Variants in FBXO34 observed in about 807,000 individuals in gnomAD.
FBXO34 encodes F-box protein 34.
In FBXO34, 12 loss-of-function variants were observed where a neutral mutation model predicts 24.5. That is an observed-to-expected ratio of 0.49 (90% CI 0.31 to 0.79). The LOEUF is 0.79. Ranked by LOEUF, FBXO34 falls within the 30% of genes least tolerant of loss-of-function variation. The pLI, the probability that FBXO34 is intolerant of heterozygous loss-of-function variation, is 0.04. For missense variants in FBXO34, 823 were observed against 857.7 expected, an observed-to-expected ratio of 0.96 and a Z score of 0.51; for synonymous variants, 320 against 311.9, an observed-to-expected ratio of 1.03 and a Z score of -0.27.
the FBXO34 span, among the ~76,000 whole-genome samples, chr14:55,402,926 A>AT: frequency 1.2e-4 from 2 of 16,400 alleles, no homozygotes; most frequent in Admixed American, 9.4e-4. Context: ...AAAAAAAAAA[A>AT]ATATATATAT....
chr14:55,278,257 T>C (rs1881410059), intron 1 of FBXO34, among the ~76,000 whole-genome samples: 1 of 152,236 alleles, frequency 6.6e-6, no homozygotes, highest in South Asian at 2.1e-4. Context: ...TGTGAGGAAC[T>C]GAACTCATTT....
chr14:55,428,927 T>C, the FBXO34 span: 6 of 1,614,076 alleles, frequency 3.7e-6, no homozygotes, highest in Middle Eastern at 1.6e-4. Context: ...CCCAAGCTTC[T>C]GCACCACACG....
At chr14:55,391,587 C>T in the FBXO34 span, among the ~76,000 whole-genome samples, 4 of 152,070 alleles carry the variant, frequency 2.6e-5, no homozygotes, top group African/African-American at 9.7e-5. Context: ...CCCGCTCTAG[C>T]TATATAGCTA....
At chr14:55,284,728 A>G (rs1259907998) in intron 1 of FBXO34, among the ~76,000 whole-genome samples, 1 of 147,252 alleles carries the variant, frequency 6.8e-6, no homozygotes, top group Non-Finnish European at 1.5e-5. Context: ...CAATCTTTCC[A>G]TCTCATCCTC....
In FBXO34 at chr14:55,351,881, G is replaced by A. The variant is rs371638633; in HGVS notation, c.1491G>A (p.Leu497=). The A allele has an allele frequency of 4.3e-5, 70 of 1,613,986 alleles. No individual in the cohort carries two copies. Among genetic ancestry groups the A allele is most frequent in the Non-Finnish European group, 5.9e-5 (70 of 1,180,022 alleles). Reference sequence around the variant, plus strand: ...AGCACTTGTCAGACTATTCCCAGTTGAATGAAAGCACAACAAAAGAGTCTT... The same window carrying A: ...AGCACTTGTCAGACTATTCCCAGTTAAATGAAAGCACAACAAAAGAGTCTT... ...PGQHLSDYSQ[L]NESTTKESSE... The change falls in exon 2 of 2, where the codon TTG becomes TTA. Residue 497 remains leucine, a synonymous_variant. Transcript: ENST00000313833.
intron 1 of FBXO34, among the ~76,000 whole-genome samples, chr14:55,274,506 T>C (rs1881268910): frequency 6.6e-6 from 1 of 152,208 alleles, no homozygotes; most frequent in African/African-American, 2.4e-5. Flanking sequence ...TTGAGATTGG[T>C]TTATTATTTT....
At chr14:55,377,315 C>G in the FBXO34 span, among the ~76,000 whole-genome samples, 1,280 of 152,164 alleles carry the variant, frequency 8.4e-3, 23 homozygotes, top group African/African-American at 0.03. Flanking sequence ...CCACTGCACT[C>G]TAGCCTGGGT....
At chr14:55,442,417 G>A in the FBXO34 span, among the ~76,000 whole-genome samples, 1 of 151,398 alleles carries the variant, frequency 6.6e-6, no homozygotes, top group Non-Finnish European at 1.5e-5. Flanking sequence ...TACAGAGGCA[G>A]ACATAAAATA....
chr14:55,337,313 C>G (rs751774683), intron 1 of FBXO34, among the ~76,000 whole-genome samples: 8 of 152,154 alleles, frequency 5.3e-5, no homozygotes, highest in Non-Finnish European at 1.2e-4. Flanking sequence ...TTCTTCTATT[C>G]TCTAGCATTT....
chr14:55,426,123 C>T, the FBXO34 span, among the ~76,000 whole-genome samples: 128 of 151,814 alleles, frequency 8.4e-4, no homozygotes, highest in African/African-American at 2.8e-3. Context: ...AAAAATTAGC[C>T]GGGTGTGGTG....
intron 1 of FBXO34, among the ~76,000 whole-genome samples, chr14:55,306,580 T>C (rs1358545405): frequency 1.3e-5 from 2 of 152,186 alleles, no homozygotes; most frequent in East Asian, 3.8e-4. Flanking sequence ...ACGCGTGTAA[T>C]CCCAGCACTT....
the FBXO34 span, among the ~76,000 whole-genome samples, chr14:55,423,463 G>A: frequency 3.3e-5 from 5 of 152,172 alleles, no homozygotes; most frequent in Non-Finnish European, 5.9e-5. Flanking sequence ...TTCATAAGTA[G>A]CAAACAAAGA....
At chr14:55,290,915 G>T in intron 1 of FBXO34, among the ~76,000 whole-genome samples, 1 of 152,240 alleles carries the variant, frequency 6.6e-6, no homozygotes, top group East Asian at 1.9e-4. Flanking sequence ...TGCCTCCGGA[G>T]TTCAAGTGAT....
intron 1 of FBXO34, among the ~76,000 whole-genome samples, chr14:55,331,620 TA>T (rs1256629212): frequency 1.5e-5 from 2 of 135,438 alleles, no homozygotes; most frequent in Non-Finnish European, 3.2e-5. Flanking sequence ...ATAAAATATA[TA>T]AAAATATATA....
At chr14:55,402,926 AATATATATATATATATATATATATATAT>A in the FBXO34 span, among the ~76,000 whole-genome samples, 57 of 16,400 alleles carry the variant, frequency 3.5e-3, no homozygotes, top group African/African-American at 4.1e-3. Context: ...AAAAAAAAAA[AATATATATATATATATATATATATATAT>A]ATATATATAT....
chr14:55,360,504 C>G (rs1210615158), intron 3 of FBXO34, among the ~76,000 whole-genome samples: 2 of 152,206 alleles, frequency 1.3e-5, no homozygotes, highest in Non-Finnish European at 2.9e-5. Flanking sequence ...TTCACCACAT[C>G]TGTAGCTACT....
At chr14:55,396,095 C>T in the FBXO34 span, 4 of 693,476 alleles carry the variant, frequency 5.8e-6, no homozygotes, top group Non-Finnish European at 9.0e-6. Context: ...CTAGAAATAT[C>T]AAAACGGGAC....
At chr14:55,378,320 C>T in the FBXO34 span, among the ~76,000 whole-genome samples, 1 of 152,202 alleles carries the variant, frequency 6.6e-6, no homozygotes, top group Non-Finnish European at 1.5e-5. Flanking sequence ...TTATTCTACA[C>T]AAATATCTGC....
chr14:55,384,093 C>T, the FBXO34 span, among the ~76,000 whole-genome samples: 1 of 152,170 alleles, frequency 6.6e-6, no homozygotes, highest in Non-Finnish European at 1.5e-5. Context: ...CGTCTCCCTT[C>T]TCCCACAAGA....
Sources: allele counts gnomAD v4.1 joint callset (sites outside exome capture counted in the v4.1 genomes callset), GRCh38; gene constraint gnomAD v4.1.1; transcripts MANE v1.5; gene names NCBI Gene and HGNC (gene_info 2026-07-23, HGNC 2026-07-21).